Variants in SAE1 observed in about 807,000 individuals in gnomAD.
The protein encoded by SAE1 is SUMO-activating enzyme subunit 1.
Under a neutral mutation model 40.6 loss-of-function variants are expected in SAE1, and 11 were observed. The observed-to-expected ratio is 0.27, with a 90% confidence interval of 0.17 to 0.45. The LOEUF is 0.45. Among genes scored for constraint, SAE1 ranks in the 20% least tolerant of loss-of-function variants. The pLI, the probability that SAE1 is intolerant of heterozygous loss-of-function variation, is 1.00. For synonymous variants in SAE1, 155 were observed against 154.3 expected, an observed-to-expected ratio of 1.00 and a Z score of -0.03; for missense variants, 373 against 427.3, an observed-to-expected ratio of 0.87 and a Z score of 1.12.
At chr19:47,186,905 CAG>C (rs1285907294) in intron 6 of SAE1, among the ~76,000 whole-genome samples, 2 of 152,308 alleles carry the variant, frequency 1.3e-5, no homozygotes, top group African/African-American at 2.4e-5. Flanking sequence ...TGGCGACAGA[CAG>C]AGGCTTACGA....
chr19:47,195,897 ATTT>A (rs781205345), intron 6 of SAE1, among the ~76,000 whole-genome samples: 2 of 135,492 alleles, frequency 1.5e-5, no homozygotes, highest in Admixed American at 7.5e-5. Context: ...ACTTGGCTAA[ATTT>A]TTTTTTTTTT....
chr19:47,185,075 C>G (rs2058535842), intron 6 of SAE1, among the ~76,000 whole-genome samples: 1 of 151,980 alleles, frequency 6.6e-6, no homozygotes, highest in Non-Finnish European at 1.5e-5. Flanking sequence ...CCGCCTCGGC[C>G]TTCCAAGTAC....
intron 1 of SAE1, among the ~76,000 whole-genome samples, chr19:47,132,429 T>G (rs570988641): frequency 7.8e-4 from 118 of 151,726 alleles, no homozygotes; most frequent in Non-Finnish European, 1.0e-3. Flanking sequence ...TTTTTGTTTT[T>G]TTTTTTTTTT....
chr19:47,183,203 AC>A (rs2058522218), intron 6 of SAE1, among the ~76,000 whole-genome samples: 1 of 152,138 alleles, frequency 6.6e-6, no homozygotes, highest in Non-Finnish European at 1.5e-5. Context: ...GGCGTGAGCC[AC>A]TGTGCCTGAC....
intron 1 of SAE1, among the ~76,000 whole-genome samples, chr19:47,143,236 G>A (rs1021791035): frequency 1.2e-4 from 18 of 152,004 alleles, no homozygotes; most frequent in African/African-American, 4.1e-4. Context: ...CTCCCAAGTA[G>A]CTGAGATTAC....
intron 6 of SAE1, among the ~76,000 whole-genome samples, chr19:47,196,029 C>T (rs574237097): frequency 1.3e-5 from 2 of 149,590 alleles, no homozygotes; most frequent in South Asian, 4.2e-4. Context: ...CCATCACACT[C>T]TGCCTCTTCC....
intron 5 of SAE1, among the ~76,000 whole-genome samples, chr19:47,168,176 AG>A (rs1168096645): frequency 6.6e-6 from 1 of 151,914 alleles, no homozygotes; most frequent in Non-Finnish European, 1.5e-5. Flanking sequence ...TGGGTGACAG[AG>A]GGGGAGACTG....
At chr19:47,142,701 A>G (rs932892481) in intron 1 of SAE1, 2 of 152,162 alleles carry the variant, frequency 1.3e-5, no homozygotes, top group African/African-American at 4.8e-5. Flanking sequence ...CTCCTGCTTC[A>G]GGGCTTTTGC....
In SAE1 at chr19:47,209,937, G is replaced by C. The variant is rs1237101953; in HGVS notation, c.*686G>C. ...TACCAAGTCTTGGATGTTAGGGCGA[G>C]ACCCTGCAAGTTGAGTATTAGAGAG... On this transcript the variant is annotated 3_prime_UTR_variant, in exon 9 of 9. Transcript: ENST00000270225. 1 of 152,268 alleles carries C rather than the reference G, an allele frequency of 6.6e-6. No homozygotes were observed. The highest frequency in any genetic ancestry group is 1.5e-5 in the Non-Finnish European group (1 of 68,090). The allele number at this position is 152,268 out of a possible 1,614,324, so 9.4% of individuals were successfully genotyped here.
At chr19:47,137,508 T>A (rs982128725) in intron 1 of SAE1, among the ~76,000 whole-genome samples, 19 of 151,876 alleles carry the variant, frequency 1.3e-4, no homozygotes, top group East Asian at 1.9e-4. Context: ...ACAACTAAAA[T>A]TTTTTTTTCT....
At chr19:47,190,509 C>T (rs949614947) in intron 6 of SAE1, among the ~76,000 whole-genome samples, 4 of 152,098 alleles carry the variant, frequency 2.6e-5, no homozygotes, top group East Asian at 1.9e-4. Flanking sequence ...GTCTGACCTT[C>T]GAGAAAGAGT....
chr19:47,139,510 CGAT>C (rs1298761627), intron 1 of SAE1, among the ~76,000 whole-genome samples: 1 of 151,448 alleles, frequency 6.6e-6, no homozygotes, highest in Non-Finnish European at 1.5e-5. Context: ...CGGAGAGAAA[CGAT>C]GGTGGCTCAG....
intron 8 of SAE1, among the ~76,000 whole-genome samples, chr19:47,204,342 C>T (rs1229824064): frequency 1.3e-5 from 2 of 151,430 alleles, no homozygotes; most frequent in Non-Finnish European, 2.9e-5. Context: ...GGACTACAGG[C>T]GCCTGCCACC....
intron 7 of SAE1, among the ~76,000 whole-genome samples, chr19:47,200,340 C>T (rs993926835): frequency 6.7e-6 from 1 of 150,082 alleles, no homozygotes; most frequent in Non-Finnish European, 1.5e-5. Context: ...TCAGGCAACA[C>T]TCTCATCTCG....
chr19:47,146,439 G>A (rs1397135685), intron 2 of SAE1, among the ~76,000 whole-genome samples: 10 of 152,168 alleles, frequency 6.6e-5, no homozygotes, highest in African/African-American at 1.9e-4. Context: ...CTTGCTGATA[G>A]GGATGGCAGG....
chr19:47,144,485 G>A (rs1416199845), intron 2 of SAE1, among the ~76,000 whole-genome samples: 1 of 152,010 alleles, frequency 6.6e-6, no homozygotes, highest in Non-Finnish European at 1.5e-5. Context: ...AGATCATGAG[G>A]TCAGGAGATC....
chr19:47,193,877 C>T lies in SAE1; in HGVS notation c.734-3356C>T, dbSNP rs374944798. On this transcript the variant is annotated intron_variant, in intron 6 of 8. Coordinates refer to ENST00000270225, the MANE Select transcript of SAE1 (RefSeq NM_005500.3). ...AAAAGAAAAAGAAATTACCTCTTCT[C>T]TGATATGCAGAGCCCCGTCTATACT... is the stretch of plus-strand genomic sequence containing the variant. Among the ~76,000 whole-genome samples, 9 of 151,728 alleles carry T rather than the reference C, an allele frequency of 5.9e-5. No homozygotes were observed. The East Asian group carries it at 9.6e-4, about 16-fold the overall frequency.
chr19:47,195,081 G>A (rs2058605356), intron 6 of SAE1, among the ~76,000 whole-genome samples: 1 of 143,906 alleles, frequency 6.9e-6, no homozygotes, highest in African/African-American at 2.6e-5. Context: ...CTGAGATGAA[G>A]TCTCACTCTG....
chr19:47,152,875 A>C (rs2058295986), intron 3 of SAE1, 23 bp from the exon 4 acceptor site: 1 of 1,609,624 alleles, frequency 6.2e-7, no homozygotes, highest in Non-Finnish European at 8.5e-7. Context: ...ACTCAAACCC[A>C]GCCAATTTCT....
Sources: gnomAD v4.1 joint callset for allele counts (sites outside exome capture counted in the v4.1 genomes callset) on GRCh38, gnomAD v4.1.1 for gene constraint, MANE v1.5 for transcripts, NCBI Gene and HGNC (gene_info 2026-07-23, HGNC 2026-07-21) for gene names.